The following POLR3H variants were observed in gnomAD, a reference collection of about 807,000 sequenced individuals.
POLR3H encodes DNA-directed RNA polymerase III subunit RPC8.
POLR3H carries 17 observed loss-of-function variants against 25.5 expected under a neutral mutation model. The observed-to-expected ratio is 0.67, with a 90% CI of 0.46 to 1.00. POLR3H has a LOEUF of 1.00. Ranked by LOEUF, POLR3H falls within the 50% of genes least tolerant of loss-of-function variation. POLR3H has a pLI of 0.00. For synonymous variants in POLR3H, 129 were observed against 103.0 expected, an observed-to-expected ratio of 1.25 and a Z score of -1.53; for missense variants, 274 against 265.0, an observed-to-expected ratio of 1.03 and a Z score of -0.24.
Position 41,527,600 on chromosome 22 carries a change from C to T in POLR3H, c.*1683G>A. ...GCACATCCGACGCTCAGCTTCCCGG[C>T]TTCCCGCAGGCCCTGCTTCCAGGCT... is the stretch of plus-strand genomic sequence containing the variant. On this transcript the variant is annotated 3_prime_UTR_variant, in exon 6 of 6. Transcript: ENST00000355209. The T allele has an allele frequency of 1.1e-6, 1 of 924,996 alleles. No individual in the cohort carries two copies. Among genetic ancestry groups the T allele is most frequent in the Non-Finnish European group, 1.6e-6 (1 of 631,950 alleles). 57.3% of individuals were successfully genotyped at this position (924,996 alleles called of 1,614,324 possible).
chr22:41,537,571 A>G (rs942892972), intron 2 of POLR3H, among the ~76,000 whole-genome samples: 10 of 152,326 alleles, frequency 6.6e-5, no homozygotes, highest in African/African-American at 2.4e-4. Context: ...CAGGACTTTT[A>G]TAGCTGCAGG....
rs371163709 is a variant in POLR3H, at chr22:41,528,355, T to A, written c.*928A>T. 1.1e-5 allele frequency: 15 copies of A among 1,380,432 alleles called. No individual in the cohort carries two copies. The Middle Eastern group carries it at 7.9e-4, about 72-fold the overall frequency. 85.5% of individuals were successfully genotyped at this position (1,380,432 alleles called of 1,614,324 possible). A position where few individuals can be genotyped will look rare whatever the true frequency, so the allele number is the denominator to read the frequency against. Reference sequence around the variant, plus strand: ...CTGGGCCATCAGGCACAGACTGGCCTAGGATTTGGTTTGCCTGCTGACCTC... The same window carrying A: ...CTGGGCCATCAGGCACAGACTGGCCAAGGATTTGGTTTGCCTGCTGACCTC... On this transcript the variant is annotated 3_prime_UTR_variant, in exon 6 of 6. Transcript: ENST00000355209.
intron 2 of POLR3H, among the ~76,000 whole-genome samples, chr22:41,538,290 C>T (rs1052602514): frequency 1.1e-4 from 17 of 152,160 alleles, no homozygotes; most frequent in African/African-American, 4.1e-4. Context: ...CCTGCCGCCA[C>T]ACCTGGCTAA....
rs2066987423 is a variant in POLR3H at position 41,544,385 on chromosome 22, A to ACGCCCCGCACCCG, written c.-297_-285dup. 3.5e-6 allele frequency: 1 copy of ACGCCCCGCACCCG among 286,760 alleles called. No homozygotes were observed. Among genetic ancestry groups the ACGCCCCGCACCCG allele is most frequent in the Non-Finnish European group, 6.3e-6 (1 of 157,554 alleles). The allele number at this position is 286,760 out of a possible 1,614,324, so 17.8% of individuals were successfully genotyped here. A position where few individuals can be genotyped will look rare whatever the true frequency, so the allele number is the denominator to read the frequency against. On this transcript the variant is annotated 5_prime_UTR_variant, in exon 1 of 6. Coordinates refer to ENST00000355209, the MANE Select transcript of POLR3H (RefSeq NM_001018050.4). The stretch of plus-strand genomic sequence containing the variant: ...ACGCCACTCCACGCCACGCCACTCC[A>ACGCCCCGCACCCG]CGCCCCGCACCCGCGCCACGTGCCG...
chr22:41,538,220 G>A (rs954635341), intron 2 of POLR3H, among the ~76,000 whole-genome samples: 5 of 148,994 alleles, frequency 3.4e-5, no homozygotes, highest in Middle Eastern at 3.3e-3. Context: ...TGCAAGCTCC[G>A]CCTCCTGGGT....
chr22:41,527,257 C>CCCG lies in POLR3H; in HGVS notation c.*2025_*2026insCGG. 6.2e-7 allele frequency: 1 copy of CCCG among 1,613,890 alleles called. No individual in the cohort carries two copies. The highest frequency in any genetic ancestry group is 8.5e-7 in the Non-Finnish European group (1 of 1,179,936). ...CAGGTGAGGACGGTGCCCTCCTCTG[C>CCCG]CTTATAACCTTACCCCCGCTTGCCT... On this transcript the variant is annotated 3_prime_UTR_variant, in exon 6 of 6. Coordinates refer to ENST00000355209, the MANE Select transcript of POLR3H (RefSeq NM_001018050.4).
chr22:41,542,341 C>A (rs1392949462), intron 1 of POLR3H, among the ~76,000 whole-genome samples: 1 of 152,130 alleles, frequency 6.6e-6, no homozygotes, highest in East Asian at 1.9e-4. Flanking sequence ...GCCTCAGCCT[C>A]CCAAAGTGGT....
chr22:41,527,571 C>G lies in POLR3H; in HGVS notation c.*1712G>C. 1 of 1,108,948 alleles carries G rather than the reference C, an allele frequency of 9.0e-7. No homozygotes were observed. Among genetic ancestry groups the G allele is most frequent in the Non-Finnish European group, 1.3e-6 (1 of 791,018 alleles). 68.7% of individuals were successfully genotyped at this position (1,108,948 alleles called of 1,614,324 possible). A position where few individuals can be genotyped will look rare whatever the true frequency, so the allele number is the denominator to read the frequency against. On this transcript the variant is annotated 3_prime_UTR_variant, in exon 6 of 6. Transcript: ENST00000355209. ...CCTCTTGCCCCTTCTTAGGCTCACA[C>G]AGTGCACATCCGACGCTCAGCTTCC...
At position 41,527,131 on chromosome 22, in the gene POLR3H, G is replaced by A; in HGVS notation, c.*2152C>T. On this transcript the variant is annotated 3_prime_UTR_variant, in exon 6 of 6. Transcript: ENST00000355209. ...GGTCTCATTCACGCAGGCTTCACTT[G>A]CCCTTAGGCAGCAGGCGAGGAAGGG... 9.2e-7 allele frequency: 1 copy of A among 1,083,492 alleles called. No homozygotes were observed. Among genetic ancestry groups the A allele is most frequent in the African/African-American group, 1.6e-5 (1 of 63,376 alleles). The allele number at this position is 1,083,492 out of a possible 1,614,324, so 67.1% of individuals were successfully genotyped here. A position where few individuals can be genotyped will look rare whatever the true frequency, so the allele number is the denominator to read the frequency against.
In POLR3H at chr22:41,526,706, T is replaced by G; in HGVS notation, c.*2577A>C. On this transcript the variant is annotated 3_prime_UTR_variant, in exon 6 of 6. Transcript: ENST00000355209. Reference sequence around the variant, plus strand: ...AGAGATATCTTAGGATATCTGGCCCTAGACAAAGACAAGGAAGGGGGCCGA... The same window carrying G: ...AGAGATATCTTAGGATATCTGGCCCGAGACAAAGACAAGGAAGGGGGCCGA... 2.3e-6 allele frequency: 1 copy of G among 442,976 alleles called. No homozygotes were observed. The highest frequency in any genetic ancestry group is 2.0e-5 in the African/African-American group (1 of 50,418). The allele number at this position is 442,976 out of a possible 1,614,324, so 27.4% of individuals were successfully genotyped here. A position where few individuals can be genotyped will look rare whatever the true frequency, so the allele number is the denominator to read the frequency against.
At chr22:41,540,341 T>A in intron 2 of POLR3H, 1 of 369,380 alleles carries the variant, frequency 2.7e-6, no homozygotes, top group Admixed American at 3.7e-5. Flanking sequence ...CTAGTCCACA[T>A]CCCAGGCCTC....
In POLR3H at chr22:41,527,683, A is replaced by C. The variant is rs1204133387; in HGVS notation, c.*1600T>G. 8.7e-6 allele frequency: 7 copies of C among 801,248 alleles called. No individual in the cohort carries two copies. The highest frequency in any genetic ancestry group is 1.2e-5 in the Non-Finnish European group (6 of 518,450). The allele number at this position is 801,248 out of a possible 1,614,324, so 49.6% of individuals were successfully genotyped here. A position where few individuals can be genotyped will look rare whatever the true frequency, so the allele number is the denominator to read the frequency against. On this transcript the variant is annotated 3_prime_UTR_variant, in exon 6 of 6. Coordinates refer to ENST00000355209, the MANE Select transcript of POLR3H (RefSeq NM_001018050.4). ...TGCCAGGGGGTTCTTTCTGATCATGAATGTGCAGCAGGAAGGCCTCGCAGA... is the reference window on the plus strand; with the variant it reads ...TGCCAGGGGGTTCTTTCTGATCATGCATGTGCAGCAGGAAGGCCTCGCAGA...
Position 41,540,807 on chromosome 22 carries a change from C to T in POLR3H, c.112-12G>A. ...ACGTTGTACACGACCTGCATGCATACAAACACAGACACACAAGTACACATG... is the reference window on the plus strand; with the variant it reads ...ACGTTGTACACGACCTGCATGCATATAAACACAGACACACAAGTACACATG... On this transcript the variant is annotated splice_polypyrimidine_tract_variant and intron_variant, in intron 1 of 5. Transcript: ENST00000355209. 6.2e-7 allele frequency: 1 copy of T among 1,601,174 alleles called. No individual in the cohort carries two copies. The highest frequency in any genetic ancestry group is 8.6e-7 in the Non-Finnish European group (1 of 1,168,420).
At chr22:41,537,592 T>C (rs1327467396) in intron 2 of POLR3H, among the ~76,000 whole-genome samples, 2 of 152,070 alleles carry the variant, frequency 1.3e-5, no homozygotes, top group Non-Finnish European at 1.5e-5. Context: ...GTTAACCCCA[T>C]TGTACAGAGG....
intron 2 of POLR3H, among the ~76,000 whole-genome samples, chr22:41,534,636 A>G (rs2066809897): frequency 6.6e-6 from 1 of 152,122 alleles, no homozygotes; most frequent in Non-Finnish European, 1.5e-5. Flanking sequence ...TCAAGTCTGT[A>G]ATCCCAGCAC....
intron 5 of POLR3H, chr22:41,529,804 G>T (rs1345273585): frequency 1.4e-5 from 6 of 422,200 alleles, no homozygotes; most frequent in Admixed American, 8.3e-5. Context: ...CACCCGGGCT[G>T]GAGTGGAGTG....
rs536906190 is a variant in POLR3H at position 41,534,754 on chromosome 22, C to T, written c.209-2009G>A. ...TAAAAAAATACAAAAATTAGCCAGG[C>T]GTGGTATTGGGTGCCTATAATCCCA... On this transcript the variant is annotated intron_variant, in intron 2 of 5. Transcript: ENST00000355209. 2.6e-5 allele frequency among the ~76,000 whole-genome samples: 4 copies of T among 151,900 alleles called. 1 individual carries two copies. The South Asian group carries it at 8.3e-4, about 32-fold the overall frequency.
At chr22:41,538,710 C>T (rs941889445) in intron 2 of POLR3H, among the ~76,000 whole-genome samples, 4 of 152,228 alleles carry the variant, frequency 2.6e-5, no homozygotes, top group African/African-American at 9.6e-5. Flanking sequence ...GTTGTTTTCA[C>T]ACTGCAATCT....
intron 1 of POLR3H, 61 bp downstream of exon 1, chr22:41,543,924 CCTGCGG>C: frequency 8.7e-7 from 1 of 1,151,614 alleles, no homozygotes. Context: ...CGAGGCCGGG[CCTGCGG>C]CCAGTGGGCG....
Sources: allele counts gnomAD v4.1 joint callset (sites outside exome capture counted in the v4.1 genomes callset), GRCh38; gene constraint gnomAD v4.1.1; transcripts MANE v1.5; gene names NCBI Gene and HGNC (gene_info 2026-07-23, HGNC 2026-07-21).